Variants in SDK1 observed in about 807,000 individuals in gnomAD.
SDK1 encodes protein sidekick-1.
A neutral mutation model predicts 245.5 loss-of-function variants in SDK1; 157 were observed. The ratio of observed to expected loss-of-function variants is 0.64; its 90% CI spans 0.56 to 0.73. SDK1 has a LOEUF of 0.73. SDK1 is among the 30% of genes least tolerant of loss of function. SDK1 has a pLI of 0.00. For missense variants in SDK1, 3,583 were observed against 3,002.3 expected, an observed-to-expected ratio of 1.19 and a Z score of -4.52; for synonymous variants, 1,647 against 1,278.5, an observed-to-expected ratio of 1.29 and a Z score of -6.15.
chr7:4,253,561 A>G (rs368417868), intron 44 of SDK1, among the ~76,000 whole-genome samples: 3 of 152,194 alleles, frequency 2.0e-5, no homozygotes, highest in South Asian at 2.1e-4. Flanking sequence ...CCTATGGTCT[A>G]TACTGGAGAA....
chr7:4,050,585 C>T (rs1208789139), intron 18 of SDK1, among the ~76,000 whole-genome samples: 5 of 152,284 alleles, frequency 3.3e-5, no homozygotes, highest in South Asian at 4.1e-4. Flanking sequence ...CACACACCTA[C>T]GTAATGCTGC....
At chr7:3,705,785 C>G (rs1325778607) in intron 4 of SDK1, among the ~76,000 whole-genome samples, 3 of 151,892 alleles carry the variant, frequency 2.0e-5, no homozygotes, top group Non-Finnish European at 2.9e-5. Flanking sequence ...GCTAGGACTT[C>G]CAGTACTGTG....
chr7:3,548,791 A>G (rs552225099), intron 1 of SDK1, among the ~76,000 whole-genome samples: 3 of 152,334 alleles, frequency 2.0e-5, no homozygotes, highest in South Asian at 2.1e-4. Flanking sequence ...GCAAGTTTCT[A>G]ATTAACCTAG....
intron 32 of SDK1, among the ~76,000 whole-genome samples, chr7:4,162,866 C>G (rs1376123901): frequency 6.6e-6 from 1 of 152,212 alleles, no homozygotes; most frequent in Non-Finnish European, 1.5e-5. Flanking sequence ...TGCTTACTGA[C>G]AAGTACATTG....
chr7:3,522,267 GAGAACTGCTTTT>G (rs1034778462), intron 1 of SDK1, among the ~76,000 whole-genome samples: 3 of 152,222 alleles, frequency 2.0e-5, no homozygotes, highest in South Asian at 2.1e-4. Flanking sequence ...TCAGGACAGA[GAGAACTGCTTTT>G]CCTATATGAA....
chr7:3,336,312 A>C (rs1377544083), intron 1 of SDK1, among the ~76,000 whole-genome samples: 2 of 152,130 alleles, frequency 1.3e-5, no homozygotes, highest in African/African-American at 4.8e-5. Flanking sequence ...TGGTACTTCA[A>C]TTCCCCTGTC....
In SDK1 at chr7:4,236,003, G is replaced by A. The variant is rs75907512; in HGVS notation, c.5993-1644G>A. ...ACTTGCCGCATGGAGTACCAAATGCGCAGCCCACAAACCTACTTCTGTCTT... is the reference window on the plus strand; with the variant it reads ...ACTTGCCGCATGGAGTACCAAATGCACAGCCCACAAACCTACTTCTGTCTT... On this transcript the variant is annotated intron_variant, in intron 41 of 44. Transcript: ENST00000404826. Among the ~76,000 whole-genome samples the A allele has an allele frequency of 6.9e-3, 1,048 of 152,368 alleles. 12 individuals carry two copies. The highest frequency in any genetic ancestry group is 0.02 in the African/African-American group (847 of 41,588).
At chr7:3,408,884 A>T (rs1779122720) in intron 1 of SDK1, among the ~76,000 whole-genome samples, 1 of 152,200 alleles carries the variant, frequency 6.6e-6, no homozygotes, top group Admixed American at 6.5e-5. Context: ...TGCAGTATTT[A>T]TTTAGCATTT....
chr7:3,700,145 A>G (rs942708368), intron 4 of SDK1, among the ~76,000 whole-genome samples: 1 of 152,206 alleles, frequency 6.6e-6, no homozygotes, highest in Non-Finnish European at 1.5e-5. Context: ...ACATTCTCAA[A>G]TGAAGGGAAA....
intron 1 of SDK1, among the ~76,000 whole-genome samples, chr7:3,451,513 C>A (rs1780513737): frequency 2.6e-5 from 4 of 152,102 alleles, no homozygotes; most frequent in Admixed American, 2.6e-4. Flanking sequence ...GATCACACTG[C>A]ATCAATGTGA....
intron 1 of SDK1, among the ~76,000 whole-genome samples, chr7:3,365,894 C>T (rs1002378879): frequency 6.6e-6 from 1 of 152,080 alleles, no homozygotes; most frequent in Non-Finnish European, 1.5e-5. Flanking sequence ...AAAAAATTAG[C>T]TAGGCGTGGT....
At chr7:3,821,374 G>C (rs1487616233) in intron 4 of SDK1, 76 bp from the exon 5 acceptor site, 2 of 1,495,282 alleles carry the variant, frequency 1.3e-6, no homozygotes, top group East Asian at 2.3e-5. Context: ...TTTATAGTTG[G>C]CCTAATTAAT....
intron 1 of SDK1, among the ~76,000 whole-genome samples, chr7:3,346,697 G>A (rs1780507714): frequency 7.6e-6 from 1 of 130,912 alleles, no homozygotes; most frequent in African/African-American, 3.2e-5. Flanking sequence ...GTGTGTATGT[G>A]TGTTTGTGTG....
At chr7:3,939,406 C>T (rs1780275415) in intron 5 of SDK1, among the ~76,000 whole-genome samples, 1 of 152,190 alleles carries the variant, frequency 6.6e-6, no homozygotes, top group Non-Finnish European at 1.5e-5. Context: ...TGGGCCAGTA[C>T]AGATTAAGAA....
intron 1 of SDK1, among the ~76,000 whole-genome samples, chr7:3,529,030 G>C (rs1783251028): frequency 6.6e-6 from 1 of 152,048 alleles, no homozygotes; most frequent in Non-Finnish European, 1.5e-5. Flanking sequence ...GCAGGGGATT[G>C]AACAAATAAG....
intron 1 of SDK1, among the ~76,000 whole-genome samples, chr7:3,484,207 C>A (rs901410222): frequency 2.0e-5 from 3 of 152,210 alleles, no homozygotes; most frequent in Admixed American, 1.3e-4. Context: ...TACAAAATTT[C>A]ACCTTCTGTA....
Position 4,067,843 on chromosome 7 carries a change from G to A in SDK1, c.2917G>A (p.Gly973Arg), listed in dbSNP as rs1456179815. The change falls in exon 20 of 45, where the codon GGA becomes AGA. Residue 973 changes from glycine (G) to arginine (R), a missense_variant. By Grantham distance (125) the Gly-to-Arg change is moderately radical. Coordinates refer to ENST00000404826, the MANE Select transcript of SDK1 (RefSeq NM_152744.4). ...ACTTTGCTTTTAATTGGTAGAACCA[G>A]GAGCTGTGGGACATCTGAGTTTCAC... ...QLVWTQEDKP[G>R]AVGHLSFTEI... 6.2e-7 allele frequency: 1 copy of A among 1,611,998 alleles called. No individual in the cohort carries two copies.
intron 32 of SDK1, among the ~76,000 whole-genome samples, chr7:4,168,682 A>G (rs1170883298): frequency 1.3e-5 from 2 of 152,214 alleles, no homozygotes; most frequent in East Asian, 3.9e-4. Flanking sequence ...AGGCCTCTGC[A>G]GTCTTCCTTC....
chr7:4,186,391 C>T (rs573554223), intron 35 of SDK1, among the ~76,000 whole-genome samples: 1 of 152,304 alleles, frequency 6.6e-6, no homozygotes, highest in South Asian at 2.1e-4. Context: ...CTTTGTTATC[C>T]CCAGGGTCGC....
Sources: allele counts gnomAD v4.1 joint callset (sites outside exome capture counted in the v4.1 genomes callset), GRCh38; gene constraint gnomAD v4.1.1; transcripts MANE v1.5; gene names NCBI Gene and HGNC (gene_info 2026-07-23, HGNC 2026-07-21).